The following SLC35D4 variants were observed in gnomAD, a reference collection of about 807,000 sequenced individuals.
SLC35D4 encodes solute carrier family 35 member D4.
chr18:23,321,662 C>T, the SLC35D4 span, among the ~76,000 whole-genome samples: 4 of 152,096 alleles, frequency 2.6e-5, no homozygotes, highest in Non-Finnish European at 4.4e-5. Context: ...ACCATGTTGG[C>T]CAGGCTGGCC....
At chr18:23,309,615 A>G in the SLC35D4 span, 11 of 1,468,136 alleles carry the variant, frequency 7.5e-6, no homozygotes, top group African/African-American at 1.4e-5. Flanking sequence ...TTGAGAGCAA[A>G]ATTTAGTATC....
the SLC35D4 span, among the ~76,000 whole-genome samples, chr18:23,275,792 C>T: frequency 1.3e-5 from 2 of 152,056 alleles, no homozygotes; most frequent in African/African-American, 4.8e-5. Context: ...TGGTGGGCTG[C>T]TTTTCAGATG....
the SLC35D4 span, among the ~76,000 whole-genome samples, chr18:23,432,680 CA>C: frequency 1.4e-3 from 112 of 80,256 alleles, no homozygotes; most frequent in Admixed American, 2.7e-3. Context: ...GACTCCTTCT[CA>C]AAAAAAAAAA....
chr18:23,331,764 C>G, the SLC35D4 span, among the ~76,000 whole-genome samples: 1 of 152,062 alleles, frequency 6.6e-6, no homozygotes, highest in Non-Finnish European at 1.5e-5. Context: ...CCTCTGTGGC[C>G]ATGTGCCCTT....
the SLC35D4 span, among the ~76,000 whole-genome samples, chr18:23,389,438 A>AT: frequency 6.6e-6 from 1 of 152,122 alleles, no homozygotes; most frequent in Non-Finnish European, 1.5e-5. Flanking sequence ...TTCTCAAGCC[A>AT]TTTTTTCTAC....
the SLC35D4 span, among the ~76,000 whole-genome samples, chr18:23,395,710 G>A: frequency 6.6e-6 from 1 of 152,214 alleles, no homozygotes; most frequent in Non-Finnish European, 1.5e-5. Context: ...AGCTGAGAAG[G>A]CTTTTGACCA....
the SLC35D4 span, among the ~76,000 whole-genome samples, chr18:23,357,102 C>A: frequency 6.6e-6 from 1 of 152,286 alleles, no homozygotes; most frequent in African/African-American, 2.4e-5. Flanking sequence ...CAACCCTGCA[C>A]AAGGGAGCAT....
the SLC35D4 span, among the ~76,000 whole-genome samples, chr18:23,344,814 A>C: frequency 3.3e-5 from 5 of 152,014 alleles, no homozygotes; most frequent in East Asian, 9.7e-4. Context: ...GTTAGCCAGG[A>C]TGGTCTTCAT....
the SLC35D4 span, among the ~76,000 whole-genome samples, chr18:23,252,180 CAT>C: frequency 2.0e-5 from 3 of 151,656 alleles, no homozygotes; most frequent in South Asian, 2.1e-4. Flanking sequence ...TTTATAGAGA[CAT>C]AAAGTGGAGT....
chr18:23,391,938 T>C, the SLC35D4 span, among the ~76,000 whole-genome samples: 1 of 151,932 alleles, frequency 6.6e-6, no homozygotes, highest in African/African-American at 2.4e-5. Flanking sequence ...CTTTCTTTCT[T>C]CTTCTTTTTT....
chr18:23,409,610 G>C, the SLC35D4 span, among the ~76,000 whole-genome samples: 1 of 152,216 alleles, frequency 6.6e-6, no homozygotes, highest in Non-Finnish European at 1.5e-5. Flanking sequence ...GGGAGGCCAA[G>C]GCAGAGGATC....
chr18:23,371,471 C>A, the SLC35D4 span: 1 of 1,592,710 alleles, frequency 6.3e-7, no homozygotes, highest in Non-Finnish European at 8.5e-7. Flanking sequence ...CTGGATTAAA[C>A]TGAAACACAA....
chr18:23,353,434 C>T, the SLC35D4 span, among the ~76,000 whole-genome samples: 17 of 152,232 alleles, frequency 1.1e-4, no homozygotes, highest in African/African-American at 3.9e-4. Flanking sequence ...GCCTCAGTTA[C>T]GGTACACATT....
the SLC35D4 span, among the ~76,000 whole-genome samples, chr18:23,284,885 G>A: frequency 6.6e-6 from 1 of 152,214 alleles, no homozygotes; most frequent in Non-Finnish European, 1.5e-5. Flanking sequence ...CTGTTGGGGA[G>A]GCAGAATGCT....
the SLC35D4 span, among the ~76,000 whole-genome samples, chr18:23,403,033 G>T: frequency 6.6e-6 from 1 of 152,172 alleles, no homozygotes; most frequent in Admixed American, 6.5e-5. Flanking sequence ...TTGGATCTGG[G>T]AGGTGGAGGT....
the SLC35D4 span, chr18:23,257,409 TG>T: frequency 6.5e-7 from 1 of 1,545,808 alleles, no homozygotes; most frequent in Non-Finnish European, 8.7e-7. Context: ...CTTCTCAGCT[TG>T]GTGGAGCAGC....
the SLC35D4 span, chr18:23,421,326 G>T: frequency 6.7e-7 from 1 of 1,502,980 alleles, no homozygotes; most frequent in Non-Finnish European, 9.3e-7. Flanking sequence ...AAAGCAAGCA[G>T]AGTGTGAATC....
chr18:23,249,625 A>G, the SLC35D4 span, among the ~76,000 whole-genome samples: 9 of 152,290 alleles, frequency 5.9e-5, no homozygotes, highest in African/African-American at 1.9e-4. Flanking sequence ...TTGATCTTCA[A>G]GATAAACCTG....
At chr18:23,363,363 C>CCT in the SLC35D4 span, among the ~76,000 whole-genome samples, 1 of 126,308 alleles carries the variant, frequency 7.9e-6, no homozygotes, top group Admixed American at 8.3e-5. Context: ...GACAAAAGCA[C>CCT]ATTTTTTTTT....
Sources: allele counts gnomAD v4.1 joint callset (sites outside exome capture counted in the v4.1 genomes callset), GRCh38; gene constraint gnomAD v4.1.1; transcripts MANE v1.5; gene names NCBI Gene and HGNC (gene_info 2026-07-23, HGNC 2026-07-21).